Variants in PCDH9 observed in about 807,000 individuals in gnomAD.
PCDH9 encodes protocadherin-9.
Under a neutral mutation model 70.6 loss-of-function variants are expected in PCDH9, and 24 were observed. The ratio of observed to expected loss-of-function variants is 0.34; its 90% CI spans 0.25 to 0.48. PCDH9 has a LOEUF of 0.48. PCDH9 is among the 20% of genes least tolerant of loss of function. PCDH9 has a pLI of 0.99. For missense variants in PCDH9, 1,281 were observed against 1,503.6 expected (o/e 0.85, Z 2.45); for synonymous variants, 562 against 558.5 (o/e 1.01, Z -0.09).
intron 3 of PCDH9, among the ~76,000 whole-genome samples, chr13:66,701,790 T>C (rs750393587): frequency 6.6e-6 from 1 of 152,174 alleles, no homozygotes; most frequent in African/African-American, 2.4e-5. Flanking sequence ...AATCATGTGG[T>C]TAAAAATTAG....
intron 2 of PCDH9, among the ~76,000 whole-genome samples, chr13:67,085,432 C>T (rs193226190): frequency 6.6e-5 from 10 of 152,148 alleles, no homozygotes; most frequent in Non-Finnish European, 8.8e-5. Flanking sequence ...GGCATATTAC[C>T]GTATGAACTG....
intron 2 of PCDH9, among the ~76,000 whole-genome samples, chr13:67,078,167 C>T (rs961762465): frequency 6.6e-6 from 1 of 152,138 alleles, no homozygotes; most frequent in Non-Finnish European, 1.5e-5. Flanking sequence ...AGTGGCCACC[C>T]ATCAATACTG....
At chr13:66,841,617 A>G (rs958608443) in intron 3 of PCDH9, among the ~76,000 whole-genome samples, 6 of 152,228 alleles carry the variant, frequency 3.9e-5, no homozygotes, top group African/African-American at 1.2e-4. Context: ...AGTCTGATCT[A>G]TAACCCATTC....
At chr13:66,536,172 G>A (rs1274754178) in intron 4 of PCDH9, among the ~76,000 whole-genome samples, 6 of 152,006 alleles carry the variant, frequency 3.9e-5, no homozygotes, top group African/African-American at 1.4e-4. Flanking sequence ...TGTAGGACAA[G>A]TATTACTTCT....
intron 2 of PCDH9, chr13:67,213,345 A>G (rs1157260199): frequency 6.6e-6 from 1 of 151,670 alleles, no homozygotes; most frequent in Non-Finnish European, 1.5e-5. Context: ...TTCATACAGT[A>G]TACATGTATA....
chr13:66,796,707 T>C (rs2080247513), intron 3 of PCDH9, among the ~76,000 whole-genome samples: 1 of 152,082 alleles, frequency 6.6e-6, no homozygotes, highest in South Asian at 2.1e-4. Flanking sequence ...ACTGTGAAAA[T>C]GGTGAATAAA....
At chr13:66,449,323 C>T (rs1958160480) in intron 4 of PCDH9, among the ~76,000 whole-genome samples, 1 of 152,160 alleles carries the variant, frequency 6.6e-6, no homozygotes, top group African/African-American at 2.4e-5. Flanking sequence ...GATAAAACTT[C>T]AAAGTGATTA....
chr13:67,176,908 G>T (rs2088476491), intron 2 of PCDH9, among the ~76,000 whole-genome samples: 1 of 152,006 alleles, frequency 6.6e-6, no homozygotes, highest in Admixed American at 6.6e-5. Flanking sequence ...ATGCTATAGG[G>T]ATTTGCTGTT....
chr13:67,188,559 C>T (rs1343490668), intron 2 of PCDH9, among the ~76,000 whole-genome samples: 1 of 151,876 alleles, frequency 6.6e-6, no homozygotes, highest in Non-Finnish European at 1.5e-5. Flanking sequence ...ATCTATAAAA[C>T]ATGTACATGT....
intron 3 of PCDH9, among the ~76,000 whole-genome samples, chr13:66,760,505 A>C (rs151025974): frequency 3.3e-5 from 5 of 152,268 alleles, no homozygotes; most frequent in Non-Finnish European, 5.9e-5. Context: ...TCTTTACTTT[A>C]ATCTCTTAAT....
intron 3 of PCDH9, among the ~76,000 whole-genome samples, chr13:66,819,398 C>T (rs1237422008): frequency 1.3e-5 from 2 of 151,720 alleles, no homozygotes; most frequent in African/African-American, 4.8e-5. Context: ...CTTGGAAGGA[C>T]CTTAGAGAAG....
chr13:66,326,232 T>A (rs192494654), intron 4 of PCDH9, among the ~76,000 whole-genome samples: 4 of 152,168 alleles, frequency 2.6e-5, no homozygotes, highest in Admixed American at 2.6e-4. Context: ...CTCACTTACA[T>A]ATATGTAACC....
chr13:66,644,659 A>T (rs1367675986), intron 3 of PCDH9, among the ~76,000 whole-genome samples: 1 of 151,970 alleles, frequency 6.6e-6, no homozygotes, highest in Non-Finnish European at 1.5e-5. Flanking sequence ...ATTTTACATC[A>T]GTCATCAAGG....
At chr13:66,748,119 T>C (rs1242803456) in intron 3 of PCDH9, among the ~76,000 whole-genome samples, 2 of 152,188 alleles carry the variant, frequency 1.3e-5, no homozygotes, top group Non-Finnish European at 2.9e-5. Context: ...TCGAAGCATA[T>C]TGTAAATTTA....
In PCDH9 at chr13:67,154,706, T is replaced by A. The variant is rs866682579; in HGVS notation, c.3036+70699A>T. Among the ~76,000 whole-genome samples the A allele has an allele frequency of 2.6e-3, 240 of 92,144 alleles. 2 individuals carry two copies. The highest frequency in any genetic ancestry group is 0.011 in the South Asian group (33 of 3,128). 60.5% of individuals were successfully genotyped at this position (92,144 alleles called of 152,430 possible). ...TGTTAAGTAATTTTGATCTGTAATC[T>A]TTTTTTTTTTTTTTTTGAGACAGAG... On this transcript the variant is annotated intron_variant, in intron 2 of 4. Coordinates refer to ENST00000377865, the MANE Select transcript of PCDH9 (RefSeq NM_203487.3).
intron 4 of PCDH9, among the ~76,000 whole-genome samples, chr13:66,377,475 C>T (rs1319503582): frequency 6.6e-6 from 1 of 151,846 alleles, no homozygotes; most frequent in Admixed American, 6.6e-5. Flanking sequence ...TAGTTTTACT[C>T]TAGAAATATT....
chr13:66,501,948 G>A (rs1259478584), intron 4 of PCDH9, among the ~76,000 whole-genome samples: 1 of 152,048 alleles, frequency 6.6e-6, no homozygotes, highest in African/African-American at 2.4e-5. Flanking sequence ...TAAAAACTTA[G>A]AGTGCTGTTC....
At chr13:66,697,885 C>A (rs371272566) in intron 3 of PCDH9, among the ~76,000 whole-genome samples, 31 of 152,242 alleles carry the variant, frequency 2.0e-4, no homozygotes, top group African/African-American at 7.0e-4. Context: ...AAATTTCTAT[C>A]TATGGATGAA....
intron 3 of PCDH9, among the ~76,000 whole-genome samples, chr13:66,872,014 C>T (rs934886739): frequency 7.3e-6 from 1 of 136,816 alleles, no homozygotes; most frequent in South Asian, 2.3e-4. Context: ...TGTAAAACTG[C>T]ATTTTGATTA....
Sources: gnomAD v4.1 joint callset for allele counts (sites outside exome capture counted in the v4.1 genomes callset) on GRCh38, gnomAD v4.1.1 for gene constraint, MANE v1.5 for transcripts, NCBI Gene and HGNC (gene_info 2026-07-23, HGNC 2026-07-21) for gene names.